Variants in CXXC5 observed in about 807,000 individuals in gnomAD.
CXXC5 encodes the protein CXXC finger protein 5, also known as CXXC-type zinc finger protein 5.
CXXC5 carries 2 observed loss-of-function variants against 17.6 expected under a neutral mutation model. The ratio of observed to expected loss-of-function variants is 0.11; its 90% CI spans 0.05 to 0.36. The LOEUF (loss-of-function observed/expected upper bound fraction) is 0.36. Ranked by LOEUF, CXXC5 falls within the 10% of genes least tolerant of loss-of-function variation. The pLI, the probability that CXXC5 is intolerant of heterozygous loss-of-function variation, is 1.00. For synonymous variants in CXXC5, 171 were observed against 193.0 expected, an observed-to-expected ratio of 0.89 and a Z score of 0.94; for missense variants, 343 against 458.3, an observed-to-expected ratio of 0.75 and a Z score of 2.30.
Position 139,670,106 on chromosome 5 carries a change from G to A in CXXC5, c.-160-10258G>A, listed in dbSNP as rs933285431. Among the ~76,000 whole-genome samples, 1 of 152,322 alleles carries A rather than the reference G, an allele frequency of 6.6e-6. No individual in the cohort carries two copies. Among genetic ancestry groups the A allele is most frequent in the South Asian group, 2.1e-4 (1 of 4,826 alleles). The stretch of plus-strand genomic sequence containing the variant: ...TCAGATAGCGACTCCGGAACCAGCC[G>A]GCTCGGCCCCATGGCCCCTCTCGCC... On this transcript the variant is annotated intron_variant, in intron 1 of 2. Transcript: ENST00000302517. The surrounding 1 kb of genome is among the most constrained non-coding windows in gnomAD (Gnocchi z 4.2).
chr5:139,678,659 T>A (rs1757002385), intron 1 of CXXC5, among the ~76,000 whole-genome samples: 1 of 152,096 alleles, frequency 6.6e-6, no homozygotes, highest in Non-Finnish European at 1.5e-5. Context: ...GGGCCTCAGT[T>A]TCCCCCTCTG....
chr5:139,654,239 C>T (rs1394473408), intron 1 of CXXC5, among the ~76,000 whole-genome samples: 1 of 152,226 alleles, frequency 6.6e-6, no homozygotes, highest in African/African-American at 2.4e-5. Flanking sequence ...AACCACTGAG[C>T]TCCACTGCTA....
At chr5:139,657,156 G>A (rs1304185067) in intron 1 of CXXC5, among the ~76,000 whole-genome samples, 1 of 152,232 alleles carries the variant, frequency 6.6e-6, no homozygotes, top group Non-Finnish European at 1.5e-5. Flanking sequence ...AGTAGCCTCA[G>A]GTGACATGGG....
At chr5:139,667,639 C>T (rs1361281641) in intron 1 of CXXC5, among the ~76,000 whole-genome samples, 3 of 152,124 alleles carry the variant, frequency 2.0e-5, no homozygotes, top group Non-Finnish European at 4.4e-5. Flanking sequence ...CCTGACCCTC[C>T]TGGCACTATT....
At chr5:139,672,238 C>T (rs1411664537) in intron 1 of CXXC5, among the ~76,000 whole-genome samples, 1 of 152,230 alleles carries the variant, frequency 6.6e-6, no homozygotes, top group Non-Finnish European at 1.5e-5. Flanking sequence ...CTGCCTCAGC[C>T]TCCCGAGTAG....
Position 139,670,524 on chromosome 5 carries a change from G to A in CXXC5, c.-160-9840G>A, listed in dbSNP as rs1425277833. Among the ~76,000 whole-genome samples the A allele has an allele frequency of 6.6e-6, 1 of 152,134 alleles. No individual in the cohort carries two copies. The highest frequency in any genetic ancestry group is 1.5e-5 in the Non-Finnish European group (1 of 68,028). On this transcript the variant is annotated intron_variant, in intron 1 of 2. Transcript: ENST00000302517. The surrounding 1 kb of genome is among the most constrained non-coding windows in gnomAD (Gnocchi z 4.2). ...GTCTACACCATCCCCGTCCCAGTAG[G>A]GCCCCAGACTCATACAGCCCAGAGC...
Position 139,648,662 on chromosome 5 carries a change from C to A in CXXC5, c.-344C>A, listed in dbSNP as rs922042665. 3 of 151,392 alleles carry A rather than the reference C, an allele frequency of 2.0e-5. No individual in the cohort carries two copies. The highest frequency in any genetic ancestry group is 2.1e-4 in the South Asian group (1 of 4,814). 9.4% of individuals were successfully genotyped at this position (151,392 alleles called of 1,614,324 possible). A position where few individuals can be genotyped will look rare whatever the true frequency, so the allele number is the denominator to read the frequency against. ...AGGGGCAGGTGCTGCAGGCTCCCCC[C>A]CCTCCCCGCCTCGGGCCAGCCGCGG... On this transcript the variant is annotated 5_prime_UTR_variant, in exon 1 of 3. Transcript: ENST00000302517.
chr5:139,661,038 G>A lies in CXXC5; in HGVS notation c.-161+12193G>A, dbSNP rs1255842400. Among the ~76,000 whole-genome samples the A allele has an allele frequency of 6.6e-6, 1 of 152,152 alleles. No individual in the cohort carries two copies. Among genetic ancestry groups the A allele is most frequent in the East Asian group, 1.9e-4 (1 of 5,190 alleles). On this transcript the variant is annotated intron_variant, in intron 1 of 2. Coordinates refer to ENST00000302517, the MANE Select transcript of CXXC5 (RefSeq NM_016463.9). The surrounding 1 kb of genome is among the most constrained non-coding windows in gnomAD (Gnocchi z 4.7). ...AGCCTGGGCCGAGGGGGCCAGGGCA[G>A]CCGGAGTCTGGGGGACCAGGACAGC...
rs200642331 is a variant in CXXC5, at chr5:139,680,853, C to T, written c.330C>T (p.Ala110=). ...ESADKATAAA[A]AASLLANGHD... ...CTGACAAGGCCACTGCGGCTGCAGC[C>T]GCTGCCTCCCTGTTGGCCAATGGGC... The change falls in exon 2 of 3, where the codon GCC becomes GCT. Residue 110 remains alanine (A), a synonymous_variant. Coordinates refer to ENST00000302517, the MANE Select transcript of CXXC5 (RefSeq NM_016463.9). 26 of 1,610,448 alleles carry T rather than the reference C, an allele frequency of 1.6e-5. No homozygotes were observed. The highest frequency in any genetic ancestry group is 3.3e-4 in the Middle Eastern group (2 of 6,062).
At chr5:139,669,436 G>A (rs536569458) in intron 1 of CXXC5, among the ~76,000 whole-genome samples, 65 of 152,090 alleles carry the variant, frequency 4.3e-4, no homozygotes, top group Admixed American at 2.6e-4. Context: ...AGAGAGGGTA[G>A]GTCAGGAAGG....
chr5:139,653,549 G>C (rs1755323949), intron 1 of CXXC5, among the ~76,000 whole-genome samples: 1 of 152,126 alleles, frequency 6.6e-6, no homozygotes, highest in African/African-American at 2.4e-5. Flanking sequence ...AGGATTCCCA[G>C]GAAAACTTCT....
rs1473090368 is a variant in CXXC5, at chr5:139,682,850, C to T, written c.925-13C>T. 1.3e-6 allele frequency: 2 copies of T among 1,589,672 alleles called. No homozygotes were observed. Among genetic ancestry groups the T allele is most frequent in the South Asian group, 1.1e-5 (1 of 87,742 alleles). ...TGAACTCTCTCCTTGTTTTTGTCTC[C>T]CGCCCCCGCCAGAAGGTGATGCTTC... is the stretch of plus-strand genomic sequence containing the variant. On this transcript the variant is annotated splice_polypyrimidine_tract_variant and intron_variant, in intron 2 of 2. Coordinates refer to ENST00000302517, the MANE Select transcript of CXXC5 (RefSeq NM_016463.9).
chr5:139,656,774 G>C (rs575236626), intron 1 of CXXC5, among the ~76,000 whole-genome samples: 16 of 152,276 alleles, frequency 1.1e-4, no homozygotes, highest in Admixed American at 3.9e-4. Context: ...ACCCAGGCTG[G>C]AGTGCAATGG....
chr5:139,676,820 A>C (rs1363156989), intron 1 of CXXC5, among the ~76,000 whole-genome samples: 2 of 151,442 alleles, frequency 1.3e-5, no homozygotes, highest in Non-Finnish European at 2.9e-5. Flanking sequence ...GCTTCCCATG[A>C]CACTGTCTCC....
intron 1 of CXXC5, among the ~76,000 whole-genome samples, chr5:139,650,396 C>T (rs1199710656): frequency 1.3e-5 from 2 of 152,196 alleles, no homozygotes; most frequent in Non-Finnish European, 2.9e-5. Context: ...TGTGGTGGGC[C>T]CTGTCCCCCC....
intron 1 of CXXC5, among the ~76,000 whole-genome samples, chr5:139,652,146 CGG>C (rs1491438579): frequency 4.7e-5 from 4 of 85,614 alleles, no homozygotes; most frequent in African/African-American, 2.3e-4. Context: ...TCCTAGCCGC[CGG>C]CGCGCGCGCG....
Position 139,663,164 on chromosome 5 carries a change from G to C in CXXC5, c.-161+14319G>C, listed in dbSNP as rs534948559. The stretch of plus-strand genomic sequence containing the variant: ...GGAATGGGTTGGACCCAGGGCAAAG[G>C]AACCCATGGGTGTTGGGTGGAAAAT... On this transcript the variant is annotated intron_variant, in intron 1 of 2. Transcript: ENST00000302517. The surrounding 1 kb of genome is among the most constrained non-coding windows in gnomAD (Gnocchi z 4.2). 4.3e-4 allele frequency among the ~76,000 whole-genome samples: 66 copies of C among 152,280 alleles called. No individual in the cohort carries two copies. Among genetic ancestry groups the C allele is most frequent in the African/African-American group, 1.5e-3 (64 of 41,562 alleles).
At chr5:139,678,555 G>A (rs762431508) in intron 1 of CXXC5, among the ~76,000 whole-genome samples, 1 of 152,128 alleles carries the variant, frequency 6.6e-6, no homozygotes, top group African/African-American at 2.4e-5. Context: ...GCGGCTACTC[G>A]CCTCACCCTA....
At chr5:139,673,122 C>A (rs1484791634) in intron 1 of CXXC5, among the ~76,000 whole-genome samples, 1 of 152,178 alleles carries the variant, frequency 6.6e-6, no homozygotes, top group Non-Finnish European at 1.5e-5. Context: ...CCCAGATAGA[C>A]AAGGCGTCAT....
Sources: gnomAD v4.1 joint callset for allele counts (sites outside exome capture counted in the v4.1 genomes callset) on GRCh38, gnomAD v4.1.1 for gene constraint, Gnocchi (gnomAD v3.1) non-coding constraint, MANE v1.5 for transcripts, NCBI Gene and HGNC (gene_info 2026-07-23, HGNC 2026-07-21) for gene names.